WNT11: variants seen among roughly 807,000 people sequenced by gnomAD.
The protein encoded by WNT11 is Wnt family member 11.
WNT11 carries 20 observed loss-of-function variants against 35.6 expected under a neutral mutation model. That is an observed-to-expected ratio of 0.56 (90% CI 0.40 to 0.82). The LOEUF (loss-of-function observed/expected upper bound fraction) is 0.82. Among genes scored for constraint, WNT11 ranks in the 40% least tolerant of loss-of-function variants. WNT11 has a pLI of 0.00. For missense variants in WNT11, 459 were observed against 504.4 expected (o/e 0.91, Z 0.86); for synonymous variants, 200 against 211.9 (o/e 0.94, Z 0.49).
intron 1 of WNT11, among the ~76,000 whole-genome samples, chr11:76,199,187 T>C (rs937812987): frequency 4.0e-5 from 6 of 151,884 alleles, no homozygotes; most frequent in Non-Finnish European, 8.8e-5. Flanking sequence ...AATTACTACT[T>C]CAAAAGGCTA....
chr11:76,191,969 T>C (rs1953192945), intron 3 of WNT11, 113 bp from the exon 4 acceptor site: 1 of 1,314,432 alleles, frequency 7.6e-7, no homozygotes, highest in Non-Finnish European at 1.0e-6. Context: ...CACTGCCTGC[T>C]GGAGTCTGAA....
At chr11:76,187,556 G>A (rs952027497) in intron 4 of WNT11, among the ~76,000 whole-genome samples, 1 of 151,598 alleles carries the variant, frequency 6.6e-6, no homozygotes, top group East Asian at 2.0e-4. Context: ...CTTGACCCCC[G>A]CCTTCCCCAC....
rs1239033025 is a variant in WNT11, at chr11:76,194,775, C to G, written c.389G>C (p.Cys130Ser). ...GCAGCCGGGCAGGTCGCCGGAGGTG[C>G]AGGCCCGGGCGATGGCGTGGCTGAT... ...AAISHAIARA[C>S]TSGDLPGCSC... The change falls in exon 3 of 5, where the codon TGC becomes TCC. Residue 130 changes from cysteine (C) to serine (S), a missense_variant. Cys to Ser is a moderately radical substitution (Grantham distance 112). Coordinates refer to ENST00000322563, the MANE Select transcript of WNT11 (RefSeq NM_004626.3). The surrounding 1 kb of genome is among the most constrained non-coding windows in gnomAD (Gnocchi z 5.4). 6.4e-7 allele frequency: 1 copy of G among 1,555,024 alleles called. No individual in the cohort carries two copies. Among genetic ancestry groups the G allele is most frequent in the Non-Finnish European group, 8.7e-7 (1 of 1,152,346 alleles).
At chr11:76,189,696 C>A (rs1172838592) in intron 4 of WNT11, among the ~76,000 whole-genome samples, 1 of 152,152 alleles carries the variant, frequency 6.6e-6, no homozygotes, top group Non-Finnish European at 1.5e-5. Context: ...GATCAGGGAC[C>A]CTCTGGGCTC....
At chr11:76,201,213 G>C (rs970939627) in intron 1 of WNT11, among the ~76,000 whole-genome samples, 1 of 152,220 alleles carries the variant, frequency 6.6e-6, no homozygotes, top group Non-Finnish European at 1.5e-5. Flanking sequence ...CAGAGGCCCT[G>C]GTGGGCCCAG....
intron 1 of WNT11, among the ~76,000 whole-genome samples, chr11:76,204,068 C>G (rs116710220): frequency 6.6e-6 from 1 of 152,184 alleles, no homozygotes; most frequent in Non-Finnish European, 1.5e-5. Flanking sequence ...TTAAATGGAA[C>G]AATATACATA....
intron 4 of WNT11, among the ~76,000 whole-genome samples, chr11:76,188,556 C>A (rs1233329403): frequency 6.6e-6 from 1 of 152,248 alleles, no homozygotes; most frequent in Non-Finnish European, 1.5e-5. Flanking sequence ...GGGGACAGAG[C>A]AGCAGGGGGC....
intron 2 of WNT11, among the ~76,000 whole-genome samples, chr11:76,195,774 G>A (rs146407239): frequency 5.3e-5 from 8 of 152,298 alleles, no homozygotes; most frequent in East Asian, 1.9e-4. Context: ...TGTAGAATAC[G>A]GGTGATAACA....
intron 4 of WNT11, among the ~76,000 whole-genome samples, chr11:76,188,917 C>T (rs539897053): frequency 1.1e-4 from 17 of 152,290 alleles, no homozygotes; most frequent in African/African-American, 1.4e-4. Context: ...GCTGGAGGCC[C>T]GGAGGAGGCT....
At chr11:76,205,748 G>A (rs1269158081) in intron 1 of WNT11, among the ~76,000 whole-genome samples, 1 of 152,130 alleles carries the variant, frequency 6.6e-6, no homozygotes, top group Admixed American at 6.5e-5. Flanking sequence ...CTATCTAAAG[G>A]AATGCCCTGC....
intron 1 of WNT11, among the ~76,000 whole-genome samples, chr11:76,202,172 C>T (rs1010927024): frequency 3.3e-5 from 5 of 152,148 alleles, no homozygotes; most frequent in Non-Finnish European, 5.9e-5. Context: ...CCCCCATCAG[C>T]GCCACCCAGA....
At chr11:76,190,070 C>T (rs951120280) in intron 4 of WNT11, among the ~76,000 whole-genome samples, 5 of 151,244 alleles carry the variant, frequency 3.3e-5, no homozygotes, top group South Asian at 2.1e-4. Flanking sequence ...GGAGACTGCC[C>T]GGGAGGGGAG....
chr11:76,193,441 G>A (rs1953217636), intron 3 of WNT11, among the ~76,000 whole-genome samples: 1 of 152,108 alleles, frequency 6.6e-6, no homozygotes, highest in Non-Finnish European at 1.5e-5. Flanking sequence ...CCATGGTGGT[G>A]GGCGTGCTGG....
chr11:76,197,840 C>T (rs1392100765), intron 1 of WNT11, among the ~76,000 whole-genome samples: 1 of 152,114 alleles, frequency 6.6e-6, no homozygotes, highest in Non-Finnish European at 1.5e-5. Context: ...CAGCCTGCAT[C>T]GGCAGCACTT....
intron 1 of WNT11, among the ~76,000 whole-genome samples, chr11:76,202,133 G>A (rs906669188): frequency 6.6e-6 from 1 of 152,216 alleles, no homozygotes; most frequent in African/African-American, 2.4e-5. Context: ...GGCTTCGGCA[G>A]AGCTGGGCTC....
intron 3 of WNT11, 50 bp from the exon 4 acceptor site, chr11:76,191,906 C>T (rs763159438): frequency 2.6e-6 from 4 of 1,552,150 alleles, no homozygotes; most frequent in Admixed American, 1.8e-5. Context: ...CCCTCCCTGG[C>T]CTGACCCGGG....
chr11:76,207,131 G>T (rs1037052038), upstream of WNT11, among the ~76,000 whole-genome samples: 1 of 152,214 alleles, frequency 6.6e-6, no homozygotes, highest in Non-Finnish European at 1.5e-5. Context: ...GGAGGTCGAG[G>T]CGGGCGGGTC....
chr11:76,195,020 G>T, intron 2 of WNT11, 176 bp from the exon 3 acceptor site: 1 of 780,110 alleles, frequency 1.3e-6, no homozygotes, highest in Non-Finnish European at 2.0e-6. Context: ...GAATATACCA[G>T]CTGACAGCCA....
upstream of WNT11, among the ~76,000 whole-genome samples, chr11:76,209,534 C>T (rs1953527850): frequency 6.6e-6 from 1 of 152,188 alleles, no homozygotes; most frequent in African/African-American, 2.4e-5. Flanking sequence ...ACGGAGCTGA[C>T]CCCGCCAACC....
Sources: allele counts gnomAD v4.1 joint callset (sites outside exome capture counted in the v4.1 genomes callset), GRCh38; gene constraint gnomAD v4.1.1; non-coding constraint Gnocchi (gnomAD v3.1); transcripts MANE v1.5; gene names NCBI Gene and HGNC (gene_info 2026-07-23, HGNC 2026-07-21).